The following SLC16A2 variants were observed in gnomAD, a reference collection of about 807,000 sequenced individuals.
SLC16A2 encodes monocarboxylate transporter 8.
In SLC16A2, 3 loss-of-function variants were observed where a neutral mutation model predicts 27.2. The ratio of observed to expected loss-of-function variants is 0.11; its 90% confidence interval spans 0.05 to 0.28. SLC16A2 has a LOEUF of 0.28. Ranked by LOEUF, SLC16A2 falls within the 10% of genes least tolerant of loss-of-function variation. The pLI is 1.00. For missense variants in SLC16A2, 295 were observed against 458.5 expected, an observed-to-expected ratio of 0.64 and a Z score of 3.26; for synonymous variants, 202 against 187.8, an observed-to-expected ratio of 1.08 and a Z score of -0.62.
At chrX:74,428,000 T>G (rs747866457) in intron 1 of SLC16A2, among the ~76,000 whole-genome samples, 1 of 111,351 alleles carries the variant, frequency 9.0e-6, no homozygotes, top group Non-Finnish European at 1.9e-5. Context: ...GCGAGAGTGA[T>G]GAAAAGAGTA....
At chrX:74,521,471 A>G (rs1930405447) in intron 2 of SLC16A2, among the ~76,000 whole-genome samples, 1 of 112,053 alleles carries the variant, frequency 8.9e-6, no homozygotes, top group African/African-American at 3.2e-5. Context: ...CTGTGCCTCA[A>G]TTTCTATATC....
At chrX:74,482,799 C>T (rs765109944) in intron 1 of SLC16A2, among the ~76,000 whole-genome samples, 1 of 110,565 alleles carries the variant, frequency 9.0e-6, no homozygotes, top group Admixed American at 9.7e-5. Context: ...CTGGGCTCAA[C>T]TGATTCTCCC....
rs753092878 is a variant in SLC16A2, at chrX:74,500,822, AC to A, written c.431-20167del. ...AAATTCTACAGCAATCGATTGCAGA[AC>A]TCAAAGTAAGGTTCTTTTAATAATA... On this transcript the variant is annotated intron_variant, in intron 1 of 5. Coordinates refer to ENST00000587091, the MANE Select transcript of SLC16A2 (RefSeq NM_006517.5). Among the ~76,000 whole-genome samples the A allele has an allele frequency of 6.3e-5, 7 of 111,086 alleles. No homozygotes were observed. In the South Asian group the frequency reaches 2.3e-3, roughly 37 times the overall value.
intron 1 of SLC16A2, among the ~76,000 whole-genome samples, chrX:74,494,633 C>A (rs934553202): frequency 1.1e-4 from 12 of 111,131 alleles, no homozygotes; most frequent in Admixed American, 2.9e-4. Flanking sequence ...TATGAATATC[C>A]TGAAATTACA....
At chrX:74,491,729 T>C (rs1929829545) in intron 1 of SLC16A2, among the ~76,000 whole-genome samples, 1 of 112,635 alleles carries the variant, frequency 8.9e-6, no homozygotes, top group African/African-American at 3.2e-5. Flanking sequence ...CCAGAGACTC[T>C]TGCTATTCTT....
intron 1 of SLC16A2, among the ~76,000 whole-genome samples, chrX:74,463,677 C>G (rs1161273672): frequency 9.0e-6 from 1 of 110,942 alleles, no homozygotes; most frequent in Non-Finnish European, 1.9e-5. Context: ...CAGGCGCCTG[C>G]CACCATACCC....
At chrX:74,511,670 C>G (rs1226534742) in intron 1 of SLC16A2, among the ~76,000 whole-genome samples, 4 of 112,416 alleles carry the variant, frequency 3.6e-5, no homozygotes, top group Non-Finnish European at 1.9e-5. Flanking sequence ...AAGTAGAATT[C>G]TAGACACAAT....
chrX:74,500,325 G>A (rs1256739424), intron 1 of SLC16A2, among the ~76,000 whole-genome samples: 1 of 111,150 alleles, frequency 9.0e-6, no homozygotes, highest in Non-Finnish European at 1.9e-5. Context: ...CCAGAAAGCT[G>A]GAAACTCCTG....
At chrX:74,436,787 G>A (rs2147839871) in intron 1 of SLC16A2, among the ~76,000 whole-genome samples, 1 of 111,882 alleles carries the variant, frequency 8.9e-6, no homozygotes, top group African/African-American at 3.2e-5. Flanking sequence ...AGGGAGTTAG[G>A]GGTTTCTTAT....
intron 1 of SLC16A2, among the ~76,000 whole-genome samples, chrX:74,454,061 T>C (rs1928994597): frequency 9.0e-6 from 1 of 111,350 alleles, no homozygotes; most frequent in African/African-American, 3.3e-5. Flanking sequence ...ATGATGCCCC[T>C]ATTCTAGCCA....
At chrX:74,481,738 G>A (rs778087198) in intron 1 of SLC16A2, among the ~76,000 whole-genome samples, 2 of 105,558 alleles carry the variant, frequency 1.9e-5, no homozygotes, top group Non-Finnish European at 3.9e-5. Flanking sequence ...CCTTCCTTCT[G>A]CTTGCTTTGG....
chrX:74,471,969 A>G (rs926228237), intron 1 of SLC16A2, among the ~76,000 whole-genome samples: 2 of 112,149 alleles, frequency 1.8e-5, no homozygotes, highest in Non-Finnish European at 1.9e-5. Context: ...ATGTTGTAGC[A>G]TGTGTCAGAA....
At chrX:74,424,094 G>A (rs1366965306) in intron 1 of SLC16A2, among the ~76,000 whole-genome samples, 1 of 107,228 alleles carries the variant, frequency 9.3e-6, no homozygotes, top group Non-Finnish European at 1.9e-5. Context: ...CAGCTAGAGG[G>A]TGGGGGTGGT....
intron 1 of SLC16A2, among the ~76,000 whole-genome samples, chrX:74,462,090 C>A (rs1929159106): frequency 1.8e-5 from 2 of 112,149 alleles, no homozygotes; most frequent in South Asian, 7.4e-4. Flanking sequence ...AGAAACCCCA[C>A]CTCTGTTGGC....
intron 1 of SLC16A2, among the ~76,000 whole-genome samples, chrX:74,439,173 T>TTTCTTTCTTTCTTTCTTTCTTTCTTTCC (rs1928681221): frequency 2.1e-5 from 2 of 97,347 alleles, no homozygotes; most frequent in African/African-American, 8.0e-5. Context: ...TCTTTCTTTC[T>TTTCTTTCTTTCTTTCTTTCTTTCTTTCC]TTCTTTCTTT....
chrX:74,506,023 G>T (rs1930119759), intron 1 of SLC16A2, among the ~76,000 whole-genome samples: 1 of 112,210 alleles, frequency 8.9e-6, no homozygotes, highest in Non-Finnish European at 1.9e-5. Flanking sequence ...TGGTGGGACA[G>T]ATCAATGGAG....
At chrX:74,471,875 T>C (rs1233878471) in intron 1 of SLC16A2, among the ~76,000 whole-genome samples, 1 of 112,131 alleles carries the variant, frequency 8.9e-6, no homozygotes, top group Non-Finnish European at 1.9e-5. Flanking sequence ...TCTAGGTACA[T>C]CAAGTAAATG....
chrX:74,482,703 G>T (rs1602125782), intron 1 of SLC16A2, among the ~76,000 whole-genome samples: 1 of 106,482 alleles, frequency 9.4e-6, no homozygotes, highest in Non-Finnish European at 1.9e-5. Context: ...TCTTTTAGTT[G>T]TTTTTTTTTT....
intron 1 of SLC16A2, among the ~76,000 whole-genome samples, chrX:74,515,491 A>G (rs1258379717): frequency 8.9e-6 from 1 of 112,152 alleles, no homozygotes; most frequent in Non-Finnish European, 1.9e-5. Flanking sequence ...TACTTGAAGC[A>G]ATAATTGCTG....
Sources: allele counts gnomAD v4.1 joint callset (sites outside exome capture counted in the v4.1 genomes callset), GRCh38; gene constraint gnomAD v4.1.1; transcripts MANE v1.5; gene names NCBI Gene and HGNC (gene_info 2026-07-23, HGNC 2026-07-21).